The following ALAS1 variants were observed in gnomAD, a reference collection of about 807,000 sequenced individuals.
ALAS1 encodes the protein 5'-aminolevulinate synthase 1, also known as 5-aminolevulinate synthase, non-specific, mitochondrial.
Under a neutral mutation model 59.6 loss-of-function variants are expected in ALAS1, and 29 were observed. The ratio of observed to expected loss-of-function variants is 0.49; its 90% CI spans 0.36 to 0.66. The LOEUF (loss-of-function observed/expected upper bound fraction) is 0.66, where lower values mean the gene tolerates loss of function less well. Ranked by LOEUF, ALAS1 falls within the 30% of genes least tolerant of loss-of-function variation. The pLI, the probability that ALAS1 is intolerant of heterozygous loss-of-function variation, is 0.00. For synonymous variants in ALAS1, 299 were observed against 296.6 expected (o/e 1.01, Z -0.08); for missense variants, 690 against 807.5 (o/e 0.85, Z 1.76).
In ALAS1 at chr3:52,202,551, T is replaced by C; in HGVS notation, c.244T>C (p.Ser82Pro). ...CAAGGTCCAACAGACTCCTGATGGA[T>C]CCCAGCAGAGTCCAGATGGCACACA... ...KAKVQQTPDGSQQSPDGTQLP... is the reference protein window; with the variant it reads ...KAKVQQTPDGPQQSPDGTQLP... The change falls in exon 4 of 12, where the codon TCC becomes CCC. Residue 82 changes from serine (S) to proline (P), a missense_variant. By Grantham distance (74) the Ser-to-Pro change is moderately conservative. Coordinates refer to ENST00000484952, the MANE Select transcript of ALAS1 (RefSeq NM_000688.6). 1 of 1,614,160 alleles carries C rather than the reference T, an allele frequency of 6.2e-7. No homozygotes were observed.
intron 8 of ALAS1, among the ~76,000 whole-genome samples, chr3:52,207,145 A>C (rs1178542936): frequency 6.6e-6 from 1 of 151,918 alleles, no homozygotes; most frequent in African/African-American, 2.4e-5. Context: ...CTGGGACTAC[A>C]GGCGCCTGCC....
chr3:52,199,577 G>A, intron 3 of ALAS1, 137 bp downstream of exon 3: 1 of 802,344 alleles, frequency 1.2e-6, no homozygotes, highest in Non-Finnish European at 1.9e-6. Context: ...TCTGAGCACA[G>A]ATTATCTCAT....
rs1361827302 is a variant in ALAS1, at chr3:52,199,272, T to C, written c.31T>C (p.Leu11=). The change falls in exon 3 of 12, where the codon TTA becomes CTA. Residue 11 remains leucine, a synonymous_variant. Coordinates refer to ENST00000484952, the MANE Select transcript of ALAS1 (RefSeq NM_000688.6). Reference sequence around the variant, plus strand: ...GAGTGTTGTTCGCCGCTGCCCATTCTTATCCCGAGTCCCCCAGGCCTTTCT... The same window carrying C: ...GAGTGTTGTTCGCCGCTGCCCATTCCTATCCCGAGTCCCCCAGGCCTTTCT... MESVVRRCPF[L]SRVPQAFLQK... is the part of the protein sequence containing the mutation. The C allele has an allele frequency of 3.1e-6, 5 of 1,614,112 alleles. No individual in the cohort carries two copies. The highest frequency in any genetic ancestry group is 3.4e-6 in the Non-Finnish European group (4 of 1,180,038).
At position 52,211,379 on chromosome 3, in the gene ALAS1, C is replaced by T; in HGVS notation, c.1427C>T (p.Ser476Phe). The change falls in exon 10 of 12, where the codon TCT (serine) becomes TTT (phenylalanine). Residue 476 changes from serine (S) to phenylalanine (F), a missense_variant. By Grantham distance (155) the Ser-to-Phe change is radical. Coordinates refer to ENST00000484952, the MANE Select transcript of ALAS1 (RefSeq NM_000688.6). ...SYAAGFIFTT[S>F]LPPMLLAGAL... is the part of the protein sequence containing the mutation. ...GCTGCTGGCTTCATCTTCACCACCT[C>T]TCTGCCACCCATGCTGCTGGCTGGA... 6.2e-7 allele frequency: 1 copy of T among 1,614,248 alleles called. No homozygotes were observed. Among genetic ancestry groups the T allele is most frequent in the Non-Finnish European group, 8.5e-7 (1 of 1,180,042 alleles).
Position 52,199,197 on chromosome 3 carries a change from C to A in ALAS1, c.-32-13C>A. The A allele has an allele frequency of 1.2e-6, 2 of 1,610,938 alleles. No homozygotes were observed. The highest frequency in any genetic ancestry group is 2.2e-5 in the South Asian group (2 of 90,904). On this transcript the variant is annotated splice_polypyrimidine_tract_variant and intron_variant, in intron 2 of 11. Coordinates refer to ENST00000484952, the MANE Select transcript of ALAS1 (RefSeq NM_000688.6). ...CCTGATTATTAACAACTGTTGATGTCACTCTTCATCAGTCTTTCCACAGGA... is the reference window on the plus strand; with the variant it reads ...CCTGATTATTAACAACTGTTGATGTAACTCTTCATCAGTCTTTCCACAGGA...
At chr3:52,209,519 C>T (rs1699363390) in intron 9 of ALAS1, among the ~76,000 whole-genome samples, 1 of 152,148 alleles carries the variant, frequency 6.6e-6, no homozygotes, top group Non-Finnish European at 1.5e-5. Flanking sequence ...AAGCTCTTTT[C>T]TTTTAAGGAT....
chr3:52,211,556 T>C lies in ALAS1; in HGVS notation c.1599+5T>C, dbSNP rs776492332. Reference sequence around the variant, plus strand: ...AGCCACATCATCCCTGTGCGGGTAATGGCCTGTCTCTGATTGGACTTGCCG... The same window carrying C: ...AGCCACATCATCCCTGTGCGGGTAACGGCCTGTCTCTGATTGGACTTGCCG... On this transcript the variant is annotated splice_donor_5th_base_variant and intron_variant, in intron 10 of 11. Transcript: ENST00000484952. The C allele has an allele frequency of 1.2e-6, 2 of 1,613,068 alleles. No individual in the cohort carries two copies.
chr3:52,212,361 A>G lies in ALAS1; in HGVS notation c.1703A>G (p.Glu568Gly). The G allele has an allele frequency of 6.2e-7, 1 of 1,614,152 alleles. No individual in the cohort carries two copies. Among genetic ancestry groups the G allele is most frequent in the South Asian group, 1.1e-5 (1 of 91,078 alleles). ...TACCCTACGGTGCCCCGGGGAGAAG[A>G]GCTCCTACGGATTGCCCCCACCCCT... The part of the protein sequence containing the change: ...INYPTVPRGE[E>G]LLRIAPTPHH... Residue 568 changes from glutamate to glycine, a missense_variant, in exon 11 of 12, where the codon GAG becomes GGG. By Grantham distance (98) the Glu-to-Gly change is moderately conservative. Coordinates refer to ENST00000484952, the MANE Select transcript of ALAS1 (RefSeq NM_000688.6).
intron 10 of ALAS1, 74 bp downstream of exon 10, chr3:52,211,625 A>G: frequency 6.4e-7 from 1 of 1,568,254 alleles, no homozygotes; most frequent in South Asian, 1.2e-5. Context: ...TCTGCTTCAT[A>G]CCTTCCTGAA....
At chr3:52,201,523 G>A (rs964129630) in intron 3 of ALAS1, among the ~76,000 whole-genome samples, 5 of 151,834 alleles carry the variant, frequency 3.3e-5, no homozygotes, top group Admixed American at 2.0e-4. Context: ...AGGCTGAGGC[G>A]GGAGGACTGC....
chr3:52,210,977 T>C (rs1295664246), intron 9 of ALAS1, among the ~76,000 whole-genome samples: 1 of 152,208 alleles, frequency 6.6e-6, no homozygotes, highest in Admixed American at 6.5e-5. Context: ...GCTGCAAACC[T>C]GTACAACATG....
intron 10 of ALAS1, 34 bp from the exon 11 acceptor site, chr3:52,212,224 T>C: frequency 6.2e-7 from 1 of 1,600,402 alleles, no homozygotes. Context: ...GTCCTTCCTG[T>C]TGTGACCTTA....
chr3:52,202,579 T>C lies in ALAS1; in HGVS notation c.272T>C (p.Leu91Pro), dbSNP rs759038928. The change falls in exon 4 of 12, where the codon CTT (leucine) becomes CCT (proline). Residue 91 changes from leucine (L) to proline (P), a missense_variant. Coordinates refer to ENST00000484952, the MANE Select transcript of ALAS1 (RefSeq NM_000688.6). ...GSQQSPDGTQ[L>P]PSGHPLPATS... Reference sequence around the variant, plus strand: ...CAGCAGAGTCCAGATGGCACACAGCTTCCGTCTGGACACCCCTTGCCTGCC... The same window carrying C: ...CAGCAGAGTCCAGATGGCACACAGCCTCCGTCTGGACACCCCTTGCCTGCC... 64 of 1,614,064 alleles carry C rather than the reference T, an allele frequency of 4.0e-5. No individual in the cohort carries two copies. The highest frequency in any genetic ancestry group is 5.2e-5 in the Non-Finnish European group (61 of 1,180,050).
At chr3:52,205,472 C>G (rs542021979) in intron 6 of ALAS1, among the ~76,000 whole-genome samples, 1 of 152,100 alleles carries the variant, frequency 6.6e-6, no homozygotes, top group Non-Finnish European at 1.5e-5. Context: ...AGGGTAACCA[C>G]CATCCAGGAT....
intron 5 of ALAS1, 145 bp downstream of exon 5, chr3:52,204,157 G>A: frequency 2.4e-6 from 2 of 816,376 alleles, no homozygotes; most frequent in Non-Finnish European, 3.6e-6. Flanking sequence ...AGCGGGAGAA[G>A]ATCACTTGAG....
At chr3:52,211,756 A>C (rs1433430272) in intron 10 of ALAS1, among the ~76,000 whole-genome samples, 1 of 152,240 alleles carries the variant, frequency 6.6e-6, no homozygotes, top group Non-Finnish European at 1.5e-5. Flanking sequence ...AGGCTGGGGC[A>C]GAAGTTCCCT....
At position 52,203,868 on chromosome 3, in the gene ALAS1, G is replaced by T. The variant is rs1215959753; in HGVS notation, c.433G>T (p.Ala145Ser). ...TCTTGTTACTTTTGTTCCAGAGGTTGCTGAAACCTCAGCAGGCCCCAGTGT... is the reference window on the plus strand; with the variant it reads ...TCTTGTTACTTTTGTTCCAGAGGTTTCTGAAACCTCAGCAGGCCCCAGTGT... ...QEMNAVRKEV[A>S]ETSAGPSVVS... The change falls in exon 5 of 12, where the codon GCT becomes TCT. Residue 145 changes from alanine to serine, a missense_variant. Transcript: ENST00000484952. The T allele has an allele frequency of 1.3e-6, 2 of 1,580,314 alleles. No homozygotes were observed. Among genetic ancestry groups the T allele is most frequent in the South Asian group, 1.2e-5 (1 of 86,084 alleles).
At position 52,203,959 on chromosome 3, in the gene ALAS1, A is replaced by G; in HGVS notation, c.524A>G (p.Gln175Arg). 6.2e-7 allele frequency: 1 copy of G among 1,613,374 alleles called. No homozygotes were observed. The highest frequency in any genetic ancestry group is 1.1e-5 in the South Asian group (1 of 90,982). ...GLLKNFQDIMQKQRPERVSHL... is the reference protein window; with the variant it reads ...GLLKNFQDIMRKQRPERVSHL... ...CTGAAGAACTTCCAGGACATCATGC[A>G]AAAGCAAAGACCAGAAAGAGTGTCT... The change falls in exon 5 of 12, where the codon CAA becomes CGA. Residue 175 changes from glutamine to arginine, a missense_variant. Gln to Arg is a conservative substitution (Grantham distance 43). Coordinates refer to ENST00000484952, the MANE Select transcript of ALAS1 (RefSeq NM_000688.6).
chr3:52,202,551 TC>T lies in ALAS1; in HGVS notation c.247del (p.Gln83SerfsTer33). ...KAKVQQTPDG[S>X]QQSPDGTQLP... Reference sequence around the variant, plus strand: ...CAAGGTCCAACAGACTCCTGATGGATCCCAGCAGAGTCCAGATGGCACACAG... The same window carrying T: ...CAAGGTCCAACAGACTCCTGATGGATCCAGCAGAGTCCAGATGGCACACAG... On this transcript the variant is annotated frameshift_variant, in exon 4 of 12. Coordinates refer to ENST00000484952, the MANE Select transcript of ALAS1 (RefSeq NM_000688.6). LOFTEE classifies it high-confidence loss of function. The T allele has an allele frequency of 6.2e-7, 1 of 1,614,160 alleles. No homozygotes were observed. Among genetic ancestry groups the T allele is most frequent in the African/African-American group, 1.3e-5 (1 of 75,008 alleles).
Sources: allele counts gnomAD v4.1 joint callset (sites outside exome capture counted in the v4.1 genomes callset), GRCh38; gene constraint gnomAD v4.1.1; transcripts MANE v1.5; gene names NCBI Gene and HGNC (gene_info 2026-07-23, HGNC 2026-07-21).